The following PHLPP2 variants were observed in gnomAD, a reference collection of about 807,000 sequenced individuals.
The protein encoded by PHLPP2 is PH domain and leucine rich repeat protein phosphatase 2.
PHLPP2 carries 66 observed loss-of-function variants against 124.9 expected under a neutral mutation model. That is an observed-to-expected ratio of 0.53 (90% CI 0.43 to 0.65). The LOEUF (loss-of-function observed/expected upper bound fraction) is 0.65, where lower values mean the gene tolerates loss of function less well. Among genes scored for constraint, PHLPP2 ranks in the 30% least tolerant of loss-of-function variants. The pLI is 0.00. For missense variants in PHLPP2, 1,685 were observed against 1,600.4 expected, an observed-to-expected ratio of 1.05 and a Z score of -0.90; for synonymous variants, 681 against 624.7, an observed-to-expected ratio of 1.09 and a Z score of -1.34.
rs1267801760 is a variant in PHLPP2, at chr16:71,645,799, A to G, written c.*3091T>C. 1 of 152,914 alleles carries G rather than the reference A, an allele frequency of 6.5e-6. No individual in the cohort carries two copies. Among genetic ancestry groups the G allele is most frequent in the Non-Finnish European group, 1.5e-5 (1 of 68,050 alleles). The allele number at this position is 152,914 out of a possible 1,614,324, so 9.5% of individuals were successfully genotyped here. On this transcript the variant is annotated 3_prime_UTR_variant, in exon 19 of 19. Transcript: ENST00000568954. ...TAGTACAATAAAGCCCTGTATCAGG[A>G]GTGGTAATTCAATGACTTGACTCTA...
intron 3 of PHLPP2, among the ~76,000 whole-genome samples, chr16:71,701,525 T>C (rs1323797853): frequency 6.6e-6 from 1 of 152,214 alleles, no homozygotes; most frequent in African/African-American, 2.4e-5. Context: ...TTTTAGACTC[T>C]ACTGGAAATA....
chr16:71,695,683 C>G (rs1363723352), intron 3 of PHLPP2, among the ~76,000 whole-genome samples: 2 of 149,800 alleles, frequency 1.3e-5, no homozygotes, highest in Non-Finnish European at 3.0e-5. Flanking sequence ...GCACTCCAGC[C>G]TGGGAAACAA....
At position 71,646,450 on chromosome 16, in the gene PHLPP2, T is replaced by C. The variant is rs1567609226; in HGVS notation, c.*2440A>G. 1 of 152,194 alleles carries C rather than the reference T, an allele frequency of 6.6e-6. No individual in the cohort carries two copies. Among genetic ancestry groups the C allele is most frequent in the Admixed American group, 6.5e-5 (1 of 15,276 alleles). The allele number at this position is 152,194 out of a possible 1,614,324, so 9.4% of individuals were successfully genotyped here. The stretch of plus-strand genomic sequence containing the variant: ...CTGACTAAAAAATAAATACATTTAC[T>C]TTTGGTAAGGTCATTTCAGAACTGG... On this transcript the variant is annotated 3_prime_UTR_variant, in exon 19 of 19. Transcript: ENST00000568954.
chr16:71,699,396 C>T (rs1567625927), intron 3 of PHLPP2, among the ~76,000 whole-genome samples: 1 of 152,070 alleles, frequency 6.6e-6, no homozygotes, highest in Non-Finnish European at 1.5e-5. Flanking sequence ...CCAGACTCAG[C>T]GAGCAGAGAA....
rs572958444 is a variant in PHLPP2, at chr16:71,716,649, A to T, written c.-6-1848T>A. Among the ~76,000 whole-genome samples, 661 of 152,208 alleles carry T rather than the reference A, an allele frequency of 4.3e-3. 11 individuals carry two copies. The highest frequency in any genetic ancestry group is 0.015 in the African/African-American group (641 of 41,524). On this transcript the variant is annotated intron_variant, in intron 1 of 18. Coordinates refer to ENST00000568954, the MANE Select transcript of PHLPP2 (RefSeq NM_015020.3). ...TTTACTCCATGTTTCAATCACCTCC[A>T]ACTACCTGCAGCTCTCCAAACACAC...
At position 71,668,304 on chromosome 16, in the gene PHLPP2, T is replaced by C. The variant is rs1268417338; in HGVS notation, c.1628+971A>G. 2.7e-5 allele frequency among the ~76,000 whole-genome samples: 4 copies of C among 150,070 alleles called. No homozygotes were observed. In the Admixed American group the frequency reaches 2.7e-4, roughly 10 times the overall value. ...GGCAGCATGTGCCTGTAGTCCCAGC[T>C]ACTCCGGAAGCTGAGGCAGGAGGAT... is the stretch of plus-strand genomic sequence containing the variant. On this transcript the variant is annotated intron_variant, in intron 11 of 18. Transcript: ENST00000568954.
chr16:71,671,286 G>C (rs757746688), intron 10 of PHLPP2, among the ~76,000 whole-genome samples: 4 of 152,136 alleles, frequency 2.6e-5, no homozygotes, highest in Non-Finnish European at 5.9e-5. Flanking sequence ...AGTATTTCTT[G>C]AGATGACTAC....
At chr16:71,678,556 C>A in intron 8 of PHLPP2, 199 bp downstream of exon 8, 1 of 538,584 alleles carries the variant, frequency 1.9e-6, no homozygotes, top group Non-Finnish European at 3.3e-6. Context: ...GGGAGAATCG[C>A]CTGAGAACGG....
At position 71,650,006 on chromosome 16, in the gene PHLPP2, C is replaced by G. The variant is rs371852267; in HGVS notation, c.2856G>C (p.Met952Ile). Residue 952 changes from methionine (M) to isoleucine (I), a missense_variant, in exon 19 of 19, where the codon ATG (methionine) becomes ATC (isoleucine). Met to Ile is a conservative substitution (Grantham distance 10). Transcript: ENST00000568954. ...AAGGGTAGAGGTATGTACAGCCCAGCATCCGGGTACAGCAGGTTACCCCAT... is the reference window on the plus strand; with the variant it reads ...AAGGGTAGAGGTATGTACAGCCCAGGATCCGGGTACAGCAGGTTACCCCAT... ...KVNGVTCCTR[M>I]LGCTYLYPWI... The G allele has an allele frequency of 9.3e-6, 15 of 1,611,518 alleles. No homozygotes were observed. In the South Asian group the frequency reaches 1.6e-4, roughly 18 times the overall value.
chr16:71,655,990 A>C (rs1424371625), intron 16 of PHLPP2, among the ~76,000 whole-genome samples: 1 of 152,148 alleles, frequency 6.6e-6, no homozygotes, highest in Non-Finnish European at 1.5e-5. Context: ...TGGTAAGATA[A>C]AGCACTTTCT....
intron 4 of PHLPP2, among the ~76,000 whole-genome samples, chr16:71,688,267 T>C (rs944698507): frequency 7.2e-5 from 11 of 152,230 alleles, no homozygotes; most frequent in Admixed American, 3.9e-4. Context: ...TTTTTGATCC[T>C]GGGCATATTG....
chr16:71,711,968 A>G (rs1476018324), intron 2 of PHLPP2, among the ~76,000 whole-genome samples: 1 of 152,242 alleles, frequency 6.6e-6, no homozygotes, highest in Non-Finnish European at 1.5e-5. Context: ...TTTACTCAGA[A>G]AGAAGTCCAT....
At chr16:71,688,359 T>G (rs1162913836) in intron 4 of PHLPP2, among the ~76,000 whole-genome samples, 4 of 152,220 alleles carry the variant, frequency 2.6e-5, no homozygotes, top group Admixed American at 6.5e-5. Flanking sequence ...ATCTAGAGTT[T>G]AACCACTTAA....
chr16:71,669,034 G>C (rs984351046), intron 11 of PHLPP2, among the ~76,000 whole-genome samples: 2 of 152,114 alleles, frequency 1.3e-5, no homozygotes, highest in African/African-American at 4.8e-5. Flanking sequence ...GCAACTCTTA[G>C]TGTATTTATT....
Position 71,681,798 on chromosome 16 carries a change from G to T in PHLPP2, c.843C>A (p.His281Gln), listed in dbSNP as rs1248495600. The T allele has an allele frequency of 6.2e-7, 1 of 1,613,852 alleles. No homozygotes were observed. The highest frequency in any genetic ancestry group is 8.5e-7 in the Non-Finnish European group (1 of 1,179,936). The change falls in exon 6 of 19, where the codon CAC becomes CAA. Residue 281 changes from histidine to glutamine, a missense_variant. Physicochemically the swap from His to Gln is conservative, Grantham distance 24. Coordinates refer to ENST00000568954, the MANE Select transcript of PHLPP2 (RefSeq NM_015020.3). ...SQDITYLNLR[H>Q]NFMQLERPGG... is the part of the protein sequence containing the mutation. ...CGGGTCTTTCTAACTGCATGAAGTT[G>T]TGTCGCAAGTTGAGGTAGGTAATAT...
chr16:71,682,829 A>G (rs1220043475), intron 5 of PHLPP2, among the ~76,000 whole-genome samples: 3 of 152,232 alleles, frequency 2.0e-5, no homozygotes, highest in African/African-American at 4.8e-5. Context: ...ATGCTAATAT[A>G]ATATGGGTTA....
At chr16:71,657,433 C>T (rs2044751508) in intron 15 of PHLPP2, among the ~76,000 whole-genome samples, 1 of 143,068 alleles carries the variant, frequency 7.0e-6, no homozygotes, top group Admixed American at 7.0e-5. Context: ...CTCGCTGTGT[C>T]GCCCAGGCTG....
At chr16:71,669,672 G>C (rs957036688) in intron 10 of PHLPP2, among the ~76,000 whole-genome samples, 1 of 152,218 alleles carries the variant, frequency 6.6e-6, no homozygotes, top group African/African-American at 2.4e-5. Context: ...GATGGGATGA[G>C]GGAAAGACAA....
At chr16:71,723,212 T>G (rs1241262973) in intron 1 of PHLPP2, 1 of 152,224 alleles carries the variant, frequency 6.6e-6, no homozygotes, top group Non-Finnish European at 1.5e-5. Flanking sequence ...CCTTGCCGGC[T>G]GGCACCTCGG....
Sources: gnomAD v4.1 joint callset for allele counts (sites outside exome capture counted in the v4.1 genomes callset) on GRCh38, gnomAD v4.1.1 for gene constraint, MANE v1.5 for transcripts, NCBI Gene and HGNC (gene_info 2026-07-23, HGNC 2026-07-21) for gene names.